Variants in NELL1 observed in about 807,000 individuals in gnomAD.
NELL1 encodes neural EGFL like 1, also known as protein kinase C-binding protein NELL1.
NELL1 carries 76 observed loss-of-function variants against 107.4 expected under a neutral mutation model. That is an observed-to-expected ratio of 0.71 (90% confidence interval 0.59 to 0.86). NELL1 has a LOEUF of 0.86. Ranked by LOEUF, NELL1 falls within the 40% of genes least tolerant of loss-of-function variation. The probability of loss-of-function intolerance (pLI) is 0.00; values close to 1 mark genes in which losing one functional copy is unlikely to be tolerated. For missense variants in NELL1, 1,024 were observed against 1,005.5 expected, an observed-to-expected ratio of 1.02 and a Z score of -0.25; for synonymous variants, 353 against 341.2, an observed-to-expected ratio of 1.03 and a Z score of -0.38.
rs544425840 is a variant in NELL1, at chr11:20,956,522, C to T, written c.1172-3910C>T. On this transcript the variant is annotated intron_variant, in intron 11 of 19. Transcript: ENST00000357134. ...TTAGCCGGGCATGGTGGCGGGCGCC[C>T]GTAGTCCCGGCTACTTGGGAAGCTG... Among the ~76,000 whole-genome samples the T allele has an allele frequency of 4.2e-3, 633 of 150,132 alleles. 7 individuals are homozygous for T. Among genetic ancestry groups the T allele is most frequent in the African/African-American group, 0.014 (584 of 40,838 alleles).
In NELL1 at chr11:21,234,057, G is replaced by A. The variant is rs531367743; in HGVS notation, c.1549+4603G>A. Among the ~76,000 whole-genome samples the A allele has an allele frequency of 7.9e-5, 12 of 152,164 alleles. No homozygotes were observed. In the South Asian group the frequency reaches 1.0e-3, roughly 13 times the overall value. On this transcript the variant is annotated intron_variant, in intron 14 of 19. Transcript: ENST00000357134. Reference sequence around the variant, plus strand: ...AACATTTACAAAATGGTATTATCTCGCGTGAAAGAGGCTTGAAAAGAATTA... The same window carrying A: ...AACATTTACAAAATGGTATTATCTCACGTGAAAGAGGCTTGAAAAGAATTA...
At chr11:21,340,343 G>A (rs1460132941) in intron 14 of NELL1, among the ~76,000 whole-genome samples, 2 of 151,986 alleles carry the variant, frequency 1.3e-5, no homozygotes, top group Admixed American at 6.5e-5. Context: ...TAGTAGAGAT[G>A]GTGTTTCACA....
At chr11:21,189,033 A>G (rs1477059154) in intron 13 of NELL1, among the ~76,000 whole-genome samples, 1 of 151,806 alleles carries the variant, frequency 6.6e-6, no homozygotes, top group Non-Finnish European at 1.5e-5. Flanking sequence ...TTTGTATAGT[A>G]TTGTTTGAAA....
At chr11:20,874,607 A>G (rs1849268083) in intron 4 of NELL1, among the ~76,000 whole-genome samples, 1 of 152,190 alleles carries the variant, frequency 6.6e-6, no homozygotes, top group Non-Finnish European at 1.5e-5. Flanking sequence ...GGCAGCTCTT[A>G]TAAATTTTGA....
At chr11:20,970,810 G>A (rs1469857100) in intron 12 of NELL1, among the ~76,000 whole-genome samples, 1 of 151,924 alleles carries the variant, frequency 6.6e-6, no homozygotes, top group Admixed American at 6.6e-5. Flanking sequence ...TTGTGGGCCA[G>A]TATATACACA....
Position 20,982,910 on chromosome 11 carries a change from C to A in NELL1, c.1300+22350C>A, listed in dbSNP as rs553084202. Among the ~76,000 whole-genome samples the A allele has an allele frequency of 1.7e-3, 252 of 152,324 alleles. 1 individual carries two copies. Among genetic ancestry groups the A allele is most frequent in the African/African-American group, 5.7e-3 (237 of 41,586 alleles). On this transcript the variant is annotated intron_variant, in intron 12 of 19. Coordinates refer to ENST00000357134, the MANE Select transcript of NELL1 (RefSeq NM_006157.5). Reference sequence around the variant, plus strand: ...TGGGATCTTTGTGGAAAACCTCCAACAAATTTACCTTTGTTTTGGTAAATA... The same window carrying A: ...TGGGATCTTTGTGGAAAACCTCCAAAAAATTTACCTTTGTTTTGGTAAATA...
intron 2 of NELL1, among the ~76,000 whole-genome samples, chr11:20,756,115 C>T (rs985486555): frequency 6.7e-6 from 1 of 149,328 alleles, no homozygotes; most frequent in African/African-American, 2.5e-5. Context: ...CTCCTGACCT[C>T]GTGATCCGCC....
intron 16 of NELL1, among the ~76,000 whole-genome samples, chr11:21,555,298 A>G (rs1014175377): frequency 3.3e-5 from 5 of 151,930 alleles, no homozygotes; most frequent in South Asian, 2.1e-4. Context: ...ATCAATAACA[A>G]TATTTGTTAT....
At chr11:21,497,918 T>G (rs922426742) in intron 15 of NELL1, among the ~76,000 whole-genome samples, 2 of 152,066 alleles carry the variant, frequency 1.3e-5, no homozygotes, top group African/African-American at 4.8e-5. Flanking sequence ...TTATACCCTG[T>G]GTCTTTTTTC....
At chr11:20,697,101 T>C (rs1854638767) in intron 2 of NELL1, among the ~76,000 whole-genome samples, 1 of 152,148 alleles carries the variant, frequency 6.6e-6, no homozygotes, top group African/African-American at 2.4e-5. Context: ...TTAGACCAAA[T>C]TTAGCAACAA....
chr11:20,936,958 C>T (rs1850739155), intron 9 of NELL1, among the ~76,000 whole-genome samples: 1 of 152,100 alleles, frequency 6.6e-6, no homozygotes, highest in Non-Finnish European at 1.5e-5. Context: ...AGAGCTGGGG[C>T]TAGAAGGGTC....
At chr11:21,027,729 T>C (rs967478630) in intron 12 of NELL1, among the ~76,000 whole-genome samples, 15 of 152,308 alleles carry the variant, frequency 9.8e-5, no homozygotes, top group African/African-American at 3.4e-4. Context: ...TTCTGACTGT[T>C]TACAGTTCCT....
At position 20,926,041 on chromosome 11, in the gene NELL1, A is replaced by C. The variant is rs576296469; in HGVS notation, c.760-1267A>C. Among the ~76,000 whole-genome samples, 5 of 152,298 alleles carry C rather than the reference A, an allele frequency of 3.3e-5. No individual in the cohort carries two copies. In the South Asian group the frequency reaches 1.0e-3, roughly 32 times the overall value. On this transcript the variant is annotated intron_variant, in intron 7 of 19. Coordinates refer to ENST00000357134, the MANE Select transcript of NELL1 (RefSeq NM_006157.5). ...GGTTGAATTGATCTCCTGTATGGGG[A>C]AAGTACTTAAGACATGAAAGGATAA... is the stretch of plus-strand genomic sequence containing the variant.
chr11:21,467,046 A>C (rs1212357484), intron 15 of NELL1, among the ~76,000 whole-genome samples: 1 of 152,086 alleles, frequency 6.6e-6, no homozygotes, highest in Non-Finnish European at 1.5e-5. Context: ...CAGACATGCA[A>C]CAACTGGGAT....
At chr11:20,708,009 C>T (rs796782154) in intron 2 of NELL1, among the ~76,000 whole-genome samples, 37 of 152,318 alleles carry the variant, frequency 2.4e-4, no homozygotes, top group African/African-American at 6.5e-4. Flanking sequence ...TGGAGCTTCC[C>T]GGCTGCTTTG....
chr11:21,500,716 G>T (rs1015351675), intron 15 of NELL1, among the ~76,000 whole-genome samples: 9 of 152,078 alleles, frequency 5.9e-5, no homozygotes, highest in African/African-American at 1.4e-4. Context: ...TTGATGGAAA[G>T]TGTAGTTGAG....
At chr11:21,358,980 TTTGA>T (rs1851010122) in intron 14 of NELL1, among the ~76,000 whole-genome samples, 1 of 152,076 alleles carries the variant, frequency 6.6e-6, no homozygotes, top group African/African-American at 2.4e-5. Flanking sequence ...CTTTCTCTTG[TTTGA>T]TTGGTCTAGC....
At chr11:20,727,662 G>A (rs980933245) in intron 2 of NELL1, among the ~76,000 whole-genome samples, 2 of 152,120 alleles carry the variant, frequency 1.3e-5, no homozygotes, top group African/African-American at 4.8e-5. Context: ...TAGTCATGAA[G>A]CCCTTGCCCA....
intron 13 of NELL1, among the ~76,000 whole-genome samples, chr11:21,201,103 TG>T (rs1405836709): frequency 6.6e-6 from 1 of 152,202 alleles, no homozygotes; most frequent in Non-Finnish European, 1.5e-5. Flanking sequence ...AGGATTGTCT[TG>T]TCCATGCGGG....
Sources: gnomAD v4.1 joint callset for allele counts (sites outside exome capture counted in the v4.1 genomes callset) on GRCh38, gnomAD v4.1.1 for gene constraint, MANE v1.5 for transcripts, NCBI Gene and HGNC (gene_info 2026-07-23, HGNC 2026-07-21) for gene names.